Variants in CSMD1 observed in about 807,000 individuals in gnomAD.
CSMD1 encodes CUB and Sushi multiple domains 1.
In CSMD1, 213 loss-of-function variants were observed where a neutral mutation model predicts 417.5. That is an observed-to-expected ratio of 0.51 (90% CI 0.46 to 0.57). CSMD1 has a LOEUF of 0.57. CSMD1 is among the 20% of genes least tolerant of loss of function. The pLI is 0.00. For synonymous variants in CSMD1, 2,862 were observed against 1,736.8 expected (o/e 1.65, Z -16.11); for missense variants, 6,923 against 4,529.7 (o/e 1.53, Z -15.17).
chr8:3,519,993 CAT>C (rs1367405464), intron 10 of CSMD1, among the ~76,000 whole-genome samples: 4 of 138,524 alleles, frequency 2.9e-5, no homozygotes, highest in East Asian at 2.0e-4. Context: ...TATCTGTGTG[CAT>C]ATATATGTGT....
At chr8:3,786,087 C>G (rs1350113231) in intron 5 of CSMD1, among the ~76,000 whole-genome samples, 1 of 152,042 alleles carries the variant, frequency 6.6e-6, no homozygotes, top group Admixed American at 6.5e-5. Flanking sequence ...CATTGAAAGA[C>G]TGGGTGTGAG....
rs576282437 is a variant in CSMD1, at chr8:4,346,185, T to C, written c.415+73768A>G. On this transcript the variant is annotated intron_variant, in intron 3 of 69. Coordinates refer to ENST00000635120, the MANE Select transcript of CSMD1 (RefSeq NM_033225.6). ...CTATGGTTAACAATCAAATATGGCC[T>C]GCTAATTTATCTGGACAGCTCATTT... 8.5e-5 allele frequency among the ~76,000 whole-genome samples: 13 copies of C among 152,284 alleles called. No individual in the cohort carries two copies. The South Asian group carries it at 2.5e-3, about 29-fold the overall frequency.
intron 5 of CSMD1, among the ~76,000 whole-genome samples, chr8:3,889,404 T>C (rs1159737666): frequency 7.0e-6 from 1 of 143,228 alleles, no homozygotes; most frequent in Non-Finnish European, 1.5e-5. Flanking sequence ...TAACATTAAA[T>C]AATGCCTTCC....
chr8:3,856,580 C>T (rs939356721), intron 5 of CSMD1, among the ~76,000 whole-genome samples: 1 of 152,154 alleles, frequency 6.6e-6, no homozygotes, highest in Non-Finnish European at 1.5e-5. Context: ...GTATGGCAGA[C>T]TGTATTCTAA....
At chr8:4,129,552 CA>C (rs1802971176) in intron 3 of CSMD1, among the ~76,000 whole-genome samples, 1 of 149,660 alleles carries the variant, frequency 6.7e-6, no homozygotes, top group South Asian at 2.2e-4. Flanking sequence ...TGGATTCCAT[CA>C]GAATATTTTA....
intron 1 of CSMD1, among the ~76,000 whole-genome samples, chr8:4,648,181 C>G (rs113489813): frequency 0.034 from 5,199 of 152,224 alleles, 280 homozygotes; most frequent in African/African-American, 0.12. Context: ...GTTGAGCTTT[C>G]TTTCTTATGT....
intron 3 of CSMD1, among the ~76,000 whole-genome samples, chr8:4,355,130 C>T (rs1051745051): frequency 7.2e-5 from 11 of 151,932 alleles, no homozygotes; most frequent in South Asian, 2.1e-4. Context: ...GGCGTGGTGG[C>T]GGGCGCCTGC....
At chr8:3,493,969 T>C (rs1329763504) in intron 10 of CSMD1, among the ~76,000 whole-genome samples, 1 of 152,356 alleles carries the variant, frequency 6.6e-6, no homozygotes, top group South Asian at 2.1e-4. Context: ...CCTCTAAAAA[T>C]GAAATTTAAC....
At chr8:3,037,107 G>C (rs62490493) in intron 50 of CSMD1, among the ~76,000 whole-genome samples, 36,186 of 152,166 alleles carry the variant, frequency 0.24, 4,812 homozygotes, top group East Asian at 0.33. Context: ...ACTTCACTTA[G>C]AATAATGGCC....
At chr8:3,331,252 A>G (rs1806877046) in intron 23 of CSMD1, among the ~76,000 whole-genome samples, 1 of 146,838 alleles carries the variant, frequency 6.8e-6, no homozygotes, top group African/African-American at 2.5e-5. Flanking sequence ...AAAAAAAAAA[A>G]GAAAAGCAAC....
At chr8:2,985,898 G>T (rs1449199852) in intron 54 of CSMD1, among the ~76,000 whole-genome samples, 1 of 138,618 alleles carries the variant, frequency 7.2e-6, no homozygotes, top group East Asian at 2.5e-4. Flanking sequence ...TGCATATTGT[G>T]ATCGAAAAGA....
intron 3 of CSMD1, among the ~76,000 whole-genome samples, chr8:4,045,936 A>T (rs1357667857): frequency 6.6e-6 from 1 of 152,136 alleles, no homozygotes; most frequent in Non-Finnish European, 1.5e-5. Context: ...CTGGAAAAAT[A>T]CATCTAAGTC....
In CSMD1 at chr8:3,935,341, G is replaced by C. The variant is rs373630583; in HGVS notation, c.818+62562C>G. ...TTATATATATTAGTGATACTTGGTT[G>C]TTTCACTTAAGAAATTGTCATACAC... is the stretch of plus-strand genomic sequence containing the variant. On this transcript the variant is annotated intron_variant, in intron 5 of 69. Coordinates refer to ENST00000635120, the MANE Select transcript of CSMD1 (RefSeq NM_033225.6). Among the ~76,000 whole-genome samples, 105 of 152,300 alleles carry C rather than the reference G, an allele frequency of 6.9e-4. No homozygotes were observed. In the South Asian group the frequency reaches 0.012, roughly 18 times the overall value.
intron 1 of CSMD1, among the ~76,000 whole-genome samples, chr8:4,785,383 G>A (rs765586470): frequency 6.6e-6 from 1 of 152,122 alleles, no homozygotes; most frequent in African/African-American, 2.4e-5. Context: ...TATGGAAGAG[G>A]TACCTCAGTT....
intron 1 of CSMD1, among the ~76,000 whole-genome samples, chr8:4,733,696 C>T (rs1015435250): frequency 5.3e-5 from 8 of 152,162 alleles, no homozygotes; most frequent in South Asian, 2.1e-4. Flanking sequence ...TTTTTCCTTT[C>T]TCCTATCTAT....
rs777346120 is a variant in CSMD1, at chr8:3,754,003, G to A, written c.858C>T (p.Ser286=). 1.9e-6 allele frequency: 3 copies of A among 1,612,704 alleles called. No individual in the cohort carries two copies. Among genetic ancestry groups the A allele is most frequent in the Non-Finnish European group, 2.5e-6 (3 of 1,179,280 alleles). Residue 286 remains serine (S), a synonymous_variant, in exon 6 of 70, where the codon AGC becomes AGT. Coordinates refer to ENST00000635120, the MANE Select transcript of CSMD1 (RefSeq NM_033225.6). The part of the protein sequence containing the change: ...GMNLPSPVIS[S]KNWLRLHFTS... ...TGAAATGGAGTCGTAGCCAATTCTT[G>A]CTACTGATAACTGGAGAGGGGAGGT... is the stretch of plus-strand genomic sequence containing the variant.
chr8:3,567,552 G>A (rs908504408), intron 10 of CSMD1, among the ~76,000 whole-genome samples: 3 of 151,346 alleles, frequency 2.0e-5, no homozygotes, highest in Non-Finnish European at 4.4e-5. Context: ...GAAAGGGAAG[G>A]AAAGGGAAGG....
chr8:4,841,548 G>C lies in CSMD1; in HGVS notation c.85+152784C>G, dbSNP rs530020125. Among the ~76,000 whole-genome samples the C allele has an allele frequency of 9.9e-5, 15 of 152,146 alleles. No homozygotes were observed. The South Asian group carries it at 2.1e-3, about 21-fold the overall frequency. On this transcript the variant is annotated intron_variant, in intron 1 of 69. Coordinates refer to ENST00000635120, the MANE Select transcript of CSMD1 (RefSeq NM_033225.6). ...AGTAATGTGTCATACATAAAACAAA[G>C]GTCAAATACAAACCATGAAACCATT...
chr8:3,306,112 C>G (rs1052323080), intron 25 of CSMD1, among the ~76,000 whole-genome samples: 12 of 152,094 alleles, frequency 7.9e-5, no homozygotes, highest in African/African-American at 2.9e-4. Flanking sequence ...GTATAATATG[C>G]ATTTTCCTCA....
Sources: gnomAD v4.1 joint callset for allele counts (sites outside exome capture counted in the v4.1 genomes callset) on GRCh38, gnomAD v4.1.1 for gene constraint, MANE v1.5 for transcripts, NCBI Gene and HGNC (gene_info 2026-07-23, HGNC 2026-07-21) for gene names.